The following ZC3H12B variants were observed in gnomAD, a reference collection of about 807,000 sequenced individuals.
ZC3H12B encodes probable ribonuclease ZC3H12B.
Under a neutral mutation model 43.9 loss-of-function variants are expected in ZC3H12B, and 7 were observed. The observed-to-expected ratio is 0.16, with a 90% confidence interval of 0.09 to 0.30. ZC3H12B has a LOEUF of 0.30. ZC3H12B is among the 10% of genes least tolerant of loss of function. ZC3H12B has a pLI of 1.00. For missense variants in ZC3H12B, 475 were observed against 670.2 expected, an observed-to-expected ratio of 0.71 and a Z score of 3.22; for synonymous variants, 222 against 241.7, an observed-to-expected ratio of 0.92 and a Z score of 0.76.
the ZC3H12B span, among the ~76,000 whole-genome samples, chrX:65,269,681 G>A: frequency 9.3e-6 from 1 of 108,051 alleles, no homozygotes; most frequent in Non-Finnish European, 1.9e-5. Context: ...TTCTTCTTTT[G>A]TAGAGACAAG....
intron 3 of ZC3H12B, among the ~76,000 whole-genome samples, chrX:65,411,533 C>A (rs182141749): frequency 1.1e-3 from 125 of 110,644 alleles, no homozygotes; most frequent in Non-Finnish European, 2.0e-3. Flanking sequence ...CGAGACCAGA[C>A]TGACCAACAT....
At chrX:65,211,070 TA>T in the ZC3H12B span, among the ~76,000 whole-genome samples, 82 of 28,193 alleles carry the variant, frequency 2.9e-3, no homozygotes, top group South Asian at 0.01. Flanking sequence ...TAGAGTATAA[TA>T]AAAAAAAAAA....
the ZC3H12B span, among the ~76,000 whole-genome samples, chrX:65,351,110 G>T: frequency 9.0e-6 from 1 of 111,670 alleles, no homozygotes; most frequent in Non-Finnish European, 1.9e-5. Flanking sequence ...CATGGTACTG[G>T]TACCAAAACA....
the ZC3H12B span, among the ~76,000 whole-genome samples, chrX:65,156,326 G>C: frequency 8.1e-5 from 9 of 111,137 alleles, no homozygotes; most frequent in Non-Finnish European, 1.7e-4. Context: ...TCAGCCTCTC[G>C]AGCAGCTGGT....
At chrX:65,059,833 T>C in the ZC3H12B span, among the ~76,000 whole-genome samples, 9,230 of 111,737 alleles carry the variant, frequency 0.083, 1,025 homozygotes, top group African/African-American at 0.29. Flanking sequence ...TTTAACAATA[T>C]TGATTCTTCT....
chrX:65,092,335 GA>G, the ZC3H12B span, among the ~76,000 whole-genome samples: 2 of 111,850 alleles, frequency 1.8e-5, no homozygotes, highest in Non-Finnish European at 3.8e-5. Flanking sequence ...CATTGTTATG[GA>G]GATACCAGAA....
the ZC3H12B span, chrX:65,186,538 T>C: frequency 5.5e-5 from 6 of 109,527 alleles, no homozygotes; most frequent in Admixed American, 9.8e-5. Context: ...ATTTCTTTTT[T>C]TTTTTTAATT....
the ZC3H12B span, among the ~76,000 whole-genome samples, chrX:65,240,336 GATT>G: frequency 1.8e-5 from 2 of 111,594 alleles, no homozygotes; most frequent in African/African-American, 6.5e-5. Context: ...CAAGCTCTGA[GATT>G]ATTTTCTTTG....
intron 3 of ZC3H12B, among the ~76,000 whole-genome samples, chrX:65,413,992 T>C (rs2066932921): frequency 2.7e-5 from 3 of 112,341 alleles, no homozygotes; most frequent in African/African-American, 9.7e-5. Context: ...GTCTTTTACC[T>C]CCTTGGTTAC....
chrX:65,228,636 G>C, the ZC3H12B span, among the ~76,000 whole-genome samples: 35 of 111,720 alleles, frequency 3.1e-4, no homozygotes, highest in South Asian at 1.5e-3. Context: ...TAGAAAACCC[G>C]ATTGTCTCAG....
chrX:65,177,609 A>G, the ZC3H12B span, among the ~76,000 whole-genome samples: 4 of 112,170 alleles, frequency 3.6e-5, no homozygotes, highest in African/African-American at 9.7e-5. Context: ...ATGTGCAAAA[A>G]TCACCAGCAT....
chrX:65,472,382 GTTT>G (rs1161744253), intron 3 of ZC3H12B, among the ~76,000 whole-genome samples: 1 of 86,273 alleles, frequency 1.2e-5, no homozygotes, highest in Non-Finnish European at 1.9e-5. Flanking sequence ...TACAGAAGTT[GTTT>G]TTTTTGTTTT....
chrX:65,162,066 C>A, the ZC3H12B span, among the ~76,000 whole-genome samples: 4 of 111,555 alleles, frequency 3.6e-5, no homozygotes, highest in South Asian at 3.8e-4. Flanking sequence ...GTTGAAAATT[C>A]TTTTCTTTAA....
the ZC3H12B span, among the ~76,000 whole-genome samples, chrX:65,228,456 C>T: frequency 1.6e-4 from 18 of 111,133 alleles, no homozygotes; most frequent in African/African-American, 5.2e-4. Flanking sequence ...TGGAAGCATT[C>T]CCTTTGAAAA....
chrX:65,214,074 C>A, the ZC3H12B span, among the ~76,000 whole-genome samples: 8 of 110,855 alleles, frequency 7.2e-5, no homozygotes, highest in Non-Finnish European at 1.5e-4. Context: ...TTCAAAGGTA[C>A]TTTATTGCTA....
chrX:65,040,941 C>T, the ZC3H12B span, among the ~76,000 whole-genome samples: 3 of 110,919 alleles, frequency 2.7e-5, no homozygotes, highest in Non-Finnish European at 3.8e-5. Flanking sequence ...TGCGCCACCA[C>T]GCCCAGCTCT....
chrX:65,247,770 T>G, the ZC3H12B span, among the ~76,000 whole-genome samples: 1 of 111,556 alleles, frequency 9.0e-6, no homozygotes, highest in Non-Finnish European at 1.9e-5. Context: ...GAAGAATAGC[T>G]GATGAATGCT....
the ZC3H12B span, among the ~76,000 whole-genome samples, chrX:65,197,797 G>A: frequency 1.8e-5 from 2 of 112,245 alleles, no homozygotes; most frequent in African/African-American, 6.5e-5. Flanking sequence ...AGGTTTACTA[G>A]CACTCAGAGA....
chrX:65,054,374 C>T, the ZC3H12B span, among the ~76,000 whole-genome samples: 2 of 110,829 alleles, frequency 1.8e-5, no homozygotes, highest in South Asian at 7.6e-4. Flanking sequence ...GAATCCTTTC[C>T]CCATTTCTTG....
Sources: gnomAD v4.1 joint callset for allele counts (sites outside exome capture counted in the v4.1 genomes callset) on GRCh38, gnomAD v4.1.1 for gene constraint, MANE v1.5 for transcripts, NCBI Gene and HGNC (gene_info 2026-07-23, HGNC 2026-07-21) for gene names.